The following AOPEP variants were observed in gnomAD, a reference collection of about 807,000 sequenced individuals.
AOPEP encodes the protein aminopeptidase O (putative), also known as aminopeptidase O.
AOPEP carries 77 observed loss-of-function variants against 98.1 expected under a neutral mutation model. The ratio of observed to expected loss-of-function variants is 0.78; its 90% CI spans 0.65 to 0.95. The LOEUF is 0.95. Ranked by LOEUF, AOPEP falls within the 40% of genes least tolerant of loss-of-function variation. AOPEP has a pLI of 0.00. For synonymous variants in AOPEP, 346 were observed against 365.3 expected (o/e 0.95, Z 0.60); for missense variants, 1,024 against 1,024.7 (o/e 1.00, Z 0.01).
chr9:94,885,437 T>C (rs2048128139), intron 5 of AOPEP, among the ~76,000 whole-genome samples: 1 of 140,444 alleles, frequency 7.1e-6, no homozygotes, highest in African/African-American at 2.6e-5. Flanking sequence ...TACAAATATA[T>C]CCTATATTAG....
At chr9:94,881,500 G>A (rs1250847903) in intron 5 of AOPEP, among the ~76,000 whole-genome samples, 2 of 152,152 alleles carry the variant, frequency 1.3e-5, no homozygotes, top group African/African-American at 4.8e-5. Context: ...TGTTGTAATT[G>A]GTGAGACATA....
chr9:95,092,454 G>A, the AOPEP span, among the ~76,000 whole-genome samples: 1 of 152,234 alleles, frequency 6.6e-6, no homozygotes, highest in Admixed American at 6.5e-5. Flanking sequence ...CCACCTGGGA[G>A]AGGAGTGCCC....
intron 5 of AOPEP, among the ~76,000 whole-genome samples, chr9:94,908,853 T>TG (rs113419776): frequency 0.033 from 4,972 of 152,310 alleles, 209 homozygotes; most frequent in African/African-American, 0.096. Context: ...TTCAGCCGAG[T>TG]GCTGCAAATC....
intron 1 of AOPEP, among the ~76,000 whole-genome samples, chr9:94,744,449 C>T (rs1833977163): frequency 6.6e-6 from 1 of 151,084 alleles, no homozygotes; most frequent in African/African-American, 2.4e-5. Flanking sequence ...GCCTGTAATC[C>T]TAGCACTTTG....
chr9:95,083,541 T>C (rs1221401862), intron 16 of AOPEP, among the ~76,000 whole-genome samples: 144 of 82,826 alleles, frequency 1.7e-3, no homozygotes, highest in Admixed American at 2.0e-3. Context: ...CCACGCAGAG[T>C]ACACGCGGCA....
intron 10 of AOPEP, among the ~76,000 whole-genome samples, chr9:94,974,884 G>T (rs184206520): frequency 6.6e-6 from 1 of 152,290 alleles, no homozygotes; most frequent in East Asian, 1.9e-4. Context: ...GTGTGGCCTT[G>T]GATACATTTC....
intron 5 of AOPEP, among the ~76,000 whole-genome samples, chr9:94,813,375 T>C (rs772417428): frequency 6.6e-6 from 1 of 152,222 alleles, no homozygotes; most frequent in Non-Finnish European, 1.5e-5. Context: ...GACCTTCAGA[T>C]TCTTTGATGA....
chr9:94,953,769 T>C (rs972741046), intron 7 of AOPEP, among the ~76,000 whole-genome samples: 2 of 152,146 alleles, frequency 1.3e-5, no homozygotes, highest in Non-Finnish European at 2.9e-5. Context: ...TTGCCTTCCT[T>C]CACCTCAACA....
intron 5 of AOPEP, among the ~76,000 whole-genome samples, chr9:94,872,501 A>G (rs1316118548): frequency 1.3e-5 from 2 of 152,206 alleles, no homozygotes; most frequent in Non-Finnish European, 2.9e-5. Context: ...CTCAACAAGC[A>G]GCAGACATGC....
intron 5 of AOPEP, among the ~76,000 whole-genome samples, chr9:94,897,949 C>T (rs1334345283): frequency 2.0e-5 from 3 of 151,470 alleles, no homozygotes; most frequent in Non-Finnish European, 2.9e-5. Flanking sequence ...AAGCGATTCT[C>T]CTGCCTCAGC....
At chr9:95,139,919 T>G in the AOPEP span, among the ~76,000 whole-genome samples, 2 of 150,500 alleles carry the variant, frequency 1.3e-5, no homozygotes, top group Non-Finnish European at 3.0e-5. Flanking sequence ...AAAAAAATGT[T>G]TTTAGGGAAA....
intron 1 of AOPEP, among the ~76,000 whole-genome samples, chr9:94,756,804 T>C (rs1224025775): frequency 1.3e-5 from 2 of 152,140 alleles, no homozygotes; most frequent in Non-Finnish European, 2.9e-5. Flanking sequence ...GAACCATTTT[T>C]CTCTCTTCCT....
At chr9:94,943,919 C>CAAAAAAAAAAAA (rs775807087) in intron 7 of AOPEP, among the ~76,000 whole-genome samples, 6 of 17,394 alleles carry the variant, frequency 3.4e-4, no homozygotes, top group African/African-American at 5.7e-4. Context: ...GACTCCATCT[C>CAAAAAAAAAAAA]AAAAAAAAAA....
intron 1 of AOPEP, among the ~76,000 whole-genome samples, chr9:94,746,869 A>T (rs1033731418): frequency 1.3e-5 from 2 of 150,892 alleles, no homozygotes; most frequent in Admixed American, 6.6e-5. Flanking sequence ...CACATTTTAG[A>T]CCCCCTCCCC....
intron 7 of AOPEP, among the ~76,000 whole-genome samples, chr9:94,941,410 T>A (rs1422114105): frequency 3.3e-5 from 5 of 152,244 alleles, no homozygotes; most frequent in Admixed American, 3.3e-4. Context: ...GTGTTTTTAT[T>A]TGAACCACAT....
chr9:94,769,903 G>A (rs1309910668), intron 2 of AOPEP, among the ~76,000 whole-genome samples: 2 of 152,172 alleles, frequency 1.3e-5, no homozygotes, highest in African/African-American at 4.8e-5. Context: ...TAGCTAAAGA[G>A]GACATAATAC....
chr9:94,853,476 C>T lies in AOPEP; in HGVS notation c.1364+52474C>T, dbSNP rs561646227. Among the ~76,000 whole-genome samples, 21 of 152,134 alleles carry T rather than the reference C, an allele frequency of 1.4e-4. No homozygotes were observed. In the South Asian group the frequency reaches 3.3e-3, roughly 24 times the overall value. ...CTCCATCTCAAAAAAAAAAAATTAT[C>T]GAACAAGCAGTCCATTCAGTCTCAC... is the stretch of plus-strand genomic sequence containing the variant. On this transcript the variant is annotated intron_variant, in intron 5 of 16. Coordinates refer to ENST00000375315, the MANE Select transcript of AOPEP (RefSeq NM_001193329.3).
chr9:94,876,145 A>G (rs1341829777), intron 5 of AOPEP, among the ~76,000 whole-genome samples: 3 of 152,210 alleles, frequency 2.0e-5, no homozygotes, highest in Non-Finnish European at 4.4e-5. Flanking sequence ...TCTGATGGTG[A>G]TTAAGGACCA....
At chr9:95,126,381 T>G in the AOPEP span, 1 of 772,738 alleles carries the variant, frequency 1.3e-6, no homozygotes, top group Non-Finnish European at 2.2e-6. Context: ...TTACCTCTAA[T>G]TACCAAAAAG....
Sources: gnomAD v4.1 joint callset for allele counts (sites outside exome capture counted in the v4.1 genomes callset) on GRCh38, gnomAD v4.1.1 for gene constraint, MANE v1.5 for transcripts, NCBI Gene and HGNC (gene_info 2026-07-23, HGNC 2026-07-21) for gene names.